The following NT5E variants were observed in gnomAD, a reference collection of about 807,000 sequenced individuals.
NT5E encodes the protein 5'-nucleotidase ecto.
Under a neutral mutation model 55.1 loss-of-function variants are expected in NT5E, and 53 were observed. The ratio of observed to expected loss-of-function variants is 0.96; its 90% CI spans 0.77 to 1.21. The LOEUF (loss-of-function observed/expected upper bound fraction) is 1.21, where lower values mean the gene tolerates loss of function less well. NT5E is among the 50% of genes most tolerant of loss of function. The pLI is 0.00. For missense variants in NT5E, 683 were observed against 724.3 expected (o/e 0.94, Z 0.65); for synonymous variants, 270 against 278.4 (o/e 0.97, Z 0.30).
At chr6:85,470,269 C>T (rs1041386399) in intron 2 of NT5E, among the ~76,000 whole-genome samples, 6 of 152,186 alleles carry the variant, frequency 3.9e-5, no homozygotes, top group Admixed American at 1.3e-4. Flanking sequence ...CACAGAGAAC[C>T]TGGGTTGCAC....
chr6:85,485,135 T>C, intron 3 of NT5E, 100 bp from the exon 4 acceptor site: 2 of 1,126,472 alleles, frequency 1.8e-6, no homozygotes, highest in East Asian at 2.4e-5. Context: ...TGGCAAATCA[T>C]CAATTTAAAA....
At chr6:85,458,053 C>A (rs529487254) in intron 1 of NT5E, among the ~76,000 whole-genome samples, 1 of 152,268 alleles carries the variant, frequency 6.6e-6, no homozygotes, top group African/African-American at 2.4e-5. Flanking sequence ...GTTTCTTCTC[C>A]CATAAAAACT....
chr6:85,463,733 A>ATGCC (rs1287666852), intron 1 of NT5E, among the ~76,000 whole-genome samples: 1 of 152,204 alleles, frequency 6.6e-6, no homozygotes, highest in Non-Finnish European at 1.5e-5. Context: ...TGCCTGCAGT[A>ATGCC]TGCCTCGGTG....
chr6:85,462,712 T>C (rs1769120360), intron 1 of NT5E, among the ~76,000 whole-genome samples: 1 of 152,234 alleles, frequency 6.6e-6, no homozygotes, highest in Non-Finnish European at 1.5e-5. Flanking sequence ...TTAAATGGGC[T>C]CCATTTTGGT....
At chr6:85,471,161 T>G in intron 2 of NT5E, 76 bp from the exon 3 acceptor site, 1 of 1,019,506 alleles carries the variant, frequency 9.8e-7, no homozygotes, top group South Asian at 1.7e-5. Flanking sequence ...GTTTAACCTT[T>G]GCATGTTAAT....
chr6:85,480,072 G>C (rs565686612), intron 3 of NT5E, among the ~76,000 whole-genome samples: 1 of 152,122 alleles, frequency 6.6e-6, no homozygotes, highest in African/African-American at 2.4e-5. Flanking sequence ...CTAGGTGGTG[G>C]AGATCCAAAA....
chr6:85,453,221 C>G (rs1332009073), intron 1 of NT5E, among the ~76,000 whole-genome samples: 1 of 152,200 alleles, frequency 6.6e-6, no homozygotes, highest in Admixed American at 6.5e-5. Flanking sequence ...GAAGCACTGA[C>G]AGTATGCGCT....
rs934756078 is a variant in NT5E at position 85,495,171 on chromosome 6, G to A, written c.*1167G>A. ...GGAAGAGGTATACATTTTTTAAGTCGCTCTGCCTCCAAATCTGAACAGTCA... is the reference window on the plus strand; with the variant it reads ...GGAAGAGGTATACATTTTTTAAGTCACTCTGCCTCCAAATCTGAACAGTCA... On this transcript the variant is annotated 3_prime_UTR_variant, in exon 9 of 9. Coordinates refer to ENST00000257770, the MANE Select transcript of NT5E (RefSeq NM_002526.4). 1.3e-5 allele frequency: 2 copies of A among 152,178 alleles called. No homozygotes were observed. Among genetic ancestry groups the A allele is most frequent in the Non-Finnish European group, 2.9e-5 (2 of 68,024 alleles). 9.4% of individuals were successfully genotyped at this position (152,178 alleles called of 1,614,324 possible).
intron 3 of NT5E, among the ~76,000 whole-genome samples, chr6:85,477,637 T>G (rs558231083): frequency 3.0e-4 from 45 of 152,362 alleles, no homozygotes; most frequent in African/African-American, 1.1e-3. Context: ...CAATCATTAT[T>G]CATCTCTCCA....
intron 3 of NT5E, among the ~76,000 whole-genome samples, chr6:85,482,662 G>C (rs567285214): frequency 6.6e-6 from 1 of 152,310 alleles, no homozygotes; most frequent in Non-Finnish European, 1.5e-5. Context: ...ATGAATTCTC[G>C]GCTAGATGAC....
intron 3 of NT5E, among the ~76,000 whole-genome samples, chr6:85,478,316 A>C (rs563445596): frequency 1.3e-5 from 2 of 152,368 alleles, no homozygotes; most frequent in Non-Finnish European, 2.9e-5. Flanking sequence ...AACGAATGGC[A>C]GTCCAAGGTC....
intron 1 of NT5E, among the ~76,000 whole-genome samples, chr6:85,462,027 G>C (rs1769108299): frequency 6.6e-6 from 1 of 152,076 alleles, no homozygotes; most frequent in South Asian, 2.1e-4. Flanking sequence ...TGAAACACCA[G>C]AAGCCCCATC....
chr6:85,485,403 C>G lies in NT5E; in HGVS notation c.920C>G (p.Pro307Arg), dbSNP rs1306479147. The G allele has an allele frequency of 6.2e-7, 1 of 1,614,096 alleles. No homozygotes were observed. The highest frequency in any genetic ancestry group is 8.5e-7 in the Non-Finnish European group (1 of 1,180,030). Residue 307 changes from proline (P) to arginine (R), a missense_variant, in exon 4 of 9, where the codon CCC (proline) becomes CGC (arginine). Pro to Arg is a moderately radical substitution (Grantham distance 103). Coordinates refer to ENST00000257770, the MANE Select transcript of NT5E (RefSeq NM_002526.4). Reference sequence around the variant, plus strand: ...AACGTCATCTCTTCCCATGGAAATCCCATTCTTCTAAACAGCAGCATTCCT... The same window carrying G: ...AACGTCATCTCTTCCCATGGAAATCGCATTCTTCTAAACAGCAGCATTCCT... ...RGNVISSHGN[P>R]ILLNSSIPED... is the part of the protein sequence containing the mutation.
chr6:85,486,930 C>A (rs986438211), intron 4 of NT5E, among the ~76,000 whole-genome samples: 9 of 152,204 alleles, frequency 5.9e-5, no homozygotes, highest in African/African-American at 2.2e-4. Flanking sequence ...CCTGTAGTCA[C>A]AACACAGCCC....
At chr6:85,460,618 G>C (rs1769076995) in intron 1 of NT5E, among the ~76,000 whole-genome samples, 1 of 152,106 alleles carries the variant, frequency 6.6e-6, no homozygotes, top group Admixed American at 6.5e-5. Context: ...TGACCACACT[G>C]TCCTGAGGCC....
chr6:85,487,630 G>T (rs1315308641), intron 5 of NT5E, 141 bp downstream of exon 5: 4 of 1,150,080 alleles, frequency 3.5e-6, no homozygotes, highest in Non-Finnish European at 5.1e-6. Flanking sequence ...GGTGGCATGT[G>T]CCTATAGTCC....
chr6:85,452,160 G>A (rs1440954713), intron 1 of NT5E, among the ~76,000 whole-genome samples: 1 of 152,202 alleles, frequency 6.6e-6, no homozygotes, highest in Non-Finnish European at 1.5e-5. Flanking sequence ...GAATTGAGTT[G>A]TTGCTACCCT....
At chr6:85,460,124 T>C (rs1346467767) in intron 1 of NT5E, among the ~76,000 whole-genome samples, 1 of 152,220 alleles carries the variant, frequency 6.6e-6, no homozygotes, top group Non-Finnish European at 1.5e-5. Flanking sequence ...TAACATTCAA[T>C]TATCATCTCT....
At chr6:85,470,599 G>A (rs1036428479) in intron 2 of NT5E, among the ~76,000 whole-genome samples, 7 of 152,178 alleles carry the variant, frequency 4.6e-5, no homozygotes, top group Middle Eastern at 3.4e-3. Context: ...GTGCCTCCAC[G>A]CCTGAATAAT....
Sources: allele counts gnomAD v4.1 joint callset (sites outside exome capture counted in the v4.1 genomes callset), GRCh38; gene constraint gnomAD v4.1.1; transcripts MANE v1.5; gene names NCBI Gene and HGNC (gene_info 2026-07-23, HGNC 2026-07-21).